The following NBEA variants were observed in gnomAD, a reference collection of about 807,000 sequenced individuals.
The protein encoded by NBEA is neurobeachin.
A neutral mutation model predicts 343.4 loss-of-function variants in NBEA; 44 were observed. The observed-to-expected ratio is 0.13, with a 90% CI of 0.10 to 0.16. NBEA has a LOEUF of 0.16. Ranked by LOEUF, NBEA falls within the 10% of genes least tolerant of loss-of-function variation. The pLI, the probability that NBEA is intolerant of heterozygous loss-of-function variation, is 1.00. For synonymous variants in NBEA, 1,175 were observed against 1,238.7 expected, an observed-to-expected ratio of 0.95 and a Z score of 1.08; for missense variants, 2,555 against 3,631.3, an observed-to-expected ratio of 0.70 and a Z score of 7.62.
At chr13:35,170,377 T>A (rs1231086381) in intron 25 of NBEA, among the ~76,000 whole-genome samples, 1 of 151,858 alleles carries the variant, frequency 6.6e-6, no homozygotes, top group Non-Finnish European at 1.5e-5. Context: ...TTAAATAATT[T>A]TTTTTTACTT....
chr13:35,234,719 C>A (rs79272832), intron 34 of NBEA, among the ~76,000 whole-genome samples: 4,699 of 152,144 alleles, frequency 0.031, 152 homozygotes, highest in East Asian at 0.14. Flanking sequence ...GGTTATGTTC[C>A]CTGCTTCTAC....
intron 1 of NBEA, among the ~76,000 whole-genome samples, chr13:34,984,082 T>G (rs2060460242): frequency 6.6e-6 from 1 of 152,200 alleles, no homozygotes; most frequent in Non-Finnish European, 1.5e-5. Flanking sequence ...GCCATTGCTT[T>G]TGGTGTTTTA....
chr13:35,453,003 A>G (rs924856007), intron 40 of NBEA, among the ~76,000 whole-genome samples: 2 of 152,216 alleles, frequency 1.3e-5, no homozygotes, highest in African/African-American at 4.8e-5. Context: ...AGTCTCAAAA[A>G]GTAGCTGAGT....
At chr13:35,098,610 T>C (rs2065457922) in intron 11 of NBEA, among the ~76,000 whole-genome samples, 1 of 152,164 alleles carries the variant, frequency 6.6e-6, no homozygotes, top group Non-Finnish European at 1.5e-5. Context: ...AATAAAAAAA[T>C]CTAAATAAAA....
At chr13:35,602,774 T>C (rs902612215) in intron 47 of NBEA, among the ~76,000 whole-genome samples, 1 of 152,164 alleles carries the variant, frequency 6.6e-6, no homozygotes, top group Non-Finnish European at 1.5e-5. Flanking sequence ...TTTCTATGAC[T>C]AGCCCCAGTT....
chr13:35,081,801 C>T (rs1248841190), intron 10 of NBEA, among the ~76,000 whole-genome samples: 2 of 151,836 alleles, frequency 1.3e-5, no homozygotes, highest in Non-Finnish European at 2.9e-5. Context: ...ATTAAAAATA[C>T]TTTGCGAAAT....
intron 7 of NBEA, among the ~76,000 whole-genome samples, 152 bp from the exon 8 acceptor site, chr13:35,058,565 T>C (rs2152567415): frequency 6.6e-6 from 1 of 152,248 alleles, no homozygotes; most frequent in South Asian, 2.1e-4. Context: ...TTGACTGGCA[T>C]TTATTATTAA....
At chr13:35,643,868 CA>C (rs2084089304) in intron 49 of NBEA, among the ~76,000 whole-genome samples, 1 of 152,154 alleles carries the variant, frequency 6.6e-6, no homozygotes, top group East Asian at 1.9e-4. Context: ...CCCTCCCATT[CA>C]CAGGACCTGC....
chr13:35,641,379 A>C (rs1478550688), intron 49 of NBEA, among the ~76,000 whole-genome samples: 2 of 152,168 alleles, frequency 1.3e-5, no homozygotes, highest in African/African-American at 4.8e-5. Context: ...CATGTACAAG[A>C]ATCTTCTAAG....
chr13:35,265,681 C>A (rs1270317562), intron 34 of NBEA, among the ~76,000 whole-genome samples: 1 of 151,738 alleles, frequency 6.6e-6, no homozygotes, highest in Non-Finnish European at 1.5e-5. Context: ...ATGAGACCCT[C>A]ATTTTACATC....
chr13:35,198,286 A>G (rs2072769060), intron 31 of NBEA, among the ~76,000 whole-genome samples: 1 of 152,166 alleles, frequency 6.6e-6, no homozygotes, highest in South Asian at 2.1e-4. Flanking sequence ...ATAAGCCTAT[A>G]AGGTAATATA....
intron 1 of NBEA, among the ~76,000 whole-genome samples, chr13:34,957,378 C>G (rs1469607526): frequency 6.6e-6 from 1 of 152,068 alleles, no homozygotes; most frequent in South Asian, 2.1e-4. Context: ...AGAAAGACCA[C>G]GAACACTCAC....
intron 21 of NBEA, among the ~76,000 whole-genome samples, chr13:35,158,071 G>T (rs1158511820): frequency 1.3e-5 from 2 of 152,124 alleles, no homozygotes; most frequent in Admixed American, 6.6e-5. Context: ...TAATGTAAAT[G>T]AATGATCATG....
chr13:35,025,700 ATC>A (rs2061997152), intron 1 of NBEA, among the ~76,000 whole-genome samples: 1 of 152,112 alleles, frequency 6.6e-6, no homozygotes, highest in African/African-American at 2.4e-5. Context: ...TCATCCTTTT[ATC>A]TCTCACTAGT....
intron 35 of NBEA, among the ~76,000 whole-genome samples, chr13:35,303,134 AT>A (rs1277958385): frequency 1.3e-5 from 2 of 152,152 alleles, no homozygotes; most frequent in African/African-American, 4.8e-5. Context: ...TCTTCTTTAC[AT>A]TAAAAAAATC....
chr13:35,146,586 G>T (rs1464391258), intron 18 of NBEA, among the ~76,000 whole-genome samples: 1 of 152,012 alleles, frequency 6.6e-6, no homozygotes, highest in African/African-American at 2.4e-5. Context: ...TGAGGACAGG[G>T]TCTGGTTGGG....
intron 34 of NBEA, among the ~76,000 whole-genome samples, chr13:35,278,813 G>A (rs886358523): frequency 3.3e-5 from 5 of 151,942 alleles, no homozygotes; most frequent in African/African-American, 4.8e-5. Flanking sequence ...TGAATACTTC[G>A]GGCTTTGCAA....
intron 41 of NBEA, chr13:35,474,135 G>A (rs1282722398): frequency 1.3e-5 from 2 of 152,386 alleles, no homozygotes; most frequent in African/African-American, 2.4e-5. Context: ...ATATTCAAGT[G>A]GGTTTGATTT....
chr13:35,514,822 G>A (rs1049309335), intron 41 of NBEA, among the ~76,000 whole-genome samples: 1 of 152,112 alleles, frequency 6.6e-6, no homozygotes, highest in Non-Finnish European at 1.5e-5. Flanking sequence ...TAGGGTAAGA[G>A]GTTATTAAAC....
Sources: gnomAD v4.1 joint callset for allele counts (sites outside exome capture counted in the v4.1 genomes callset) on GRCh38, gnomAD v4.1.1 for gene constraint, MANE v1.5 for transcripts, NCBI Gene and HGNC (gene_info 2026-07-23, HGNC 2026-07-21) for gene names.